Variants in CLPB observed in about 807,000 individuals in gnomAD.
CLPB encodes mitochondrial disaggregase.
CLPB carries 40 observed loss-of-function variants against 78.4 expected under a neutral mutation model. The ratio of observed to expected loss-of-function variants is 0.51; its 90% CI spans 0.40 to 0.66. The LOEUF is 0.66. CLPB is among the 30% of genes least tolerant of loss of function. CLPB has a pLI of 0.00. For missense variants in CLPB, 780 were observed against 886.9 expected (o/e 0.88, Z 1.53); for synonymous variants, 333 against 348.0 (o/e 0.96, Z 0.48).
intron 2 of CLPB, among the ~76,000 whole-genome samples, chr11:72,406,789 G>T (rs1232883663): frequency 6.6e-6 from 1 of 152,204 alleles, no homozygotes; most frequent in East Asian, 1.9e-4. Context: ...CTACTGGGGA[G>T]GAGACAGAGA....
At chr11:72,317,357 G>A in intron 6 of CLPB, 137 bp from the exon 7 acceptor site, 3 of 624,400 alleles carry the variant, frequency 4.8e-6, no homozygotes, top group Non-Finnish European at 8.0e-6. Context: ...ATGGTCACTG[G>A]AGGCTGGTCC....
At chr11:72,420,471 G>A (rs1289927350) in intron 2 of CLPB, among the ~76,000 whole-genome samples, 1 of 152,000 alleles carries the variant, frequency 6.6e-6, no homozygotes, top group African/African-American at 2.4e-5. Flanking sequence ...TCCAGCCTGG[G>A]CAACAGAGCA....
chr11:72,306,081 G>A (rs1469695223), intron 9 of CLPB, among the ~76,000 whole-genome samples: 1 of 152,148 alleles, frequency 6.6e-6, no homozygotes, highest in Non-Finnish European at 1.5e-5. Context: ...CGGTCGGAGC[G>A]CATTAGCATG....
chr11:72,301,677 T>C, intron 11 of CLPB, 126 bp downstream of exon 11: 5 of 1,051,314 alleles, frequency 4.8e-6, no homozygotes, highest in Non-Finnish European at 6.9e-6. Flanking sequence ...GATGAATGAA[T>C]GTACACATGC....
rs1170340548 is a variant in CLPB, at chr11:72,308,733, A to G, written c.989-129T>C. The G allele has an allele frequency of 6.3e-5, 50 of 790,052 alleles. 1 individual carries two copies. The Admixed American group carries it at 1.0e-3, about 16-fold the overall frequency. The allele number at this position is 790,052 out of a possible 1,614,324, so 48.9% of individuals were successfully genotyped here. ...TCTGCGCCCACTCAAAGTCCTCACT[A>G]CCATTAGTGCTGCCTAATCTGATTA... On this transcript the variant is annotated intron_variant, in intron 7 of 15. Coordinates refer to ENST00000538039, the MANE Select transcript of CLPB (RefSeq NM_001258392.3).
chr11:72,359,370 G>C (rs1264149924), intron 4 of CLPB, among the ~76,000 whole-genome samples: 1 of 152,202 alleles, frequency 6.6e-6, no homozygotes, highest in Non-Finnish European at 1.5e-5. Context: ...CAGAACGCCA[G>C]AAGAGAGTTT....
intron 5 of CLPB, among the ~76,000 whole-genome samples, chr11:72,334,306 G>A (rs1370986679): frequency 3.3e-5 from 5 of 152,136 alleles, no homozygotes; most frequent in Non-Finnish European, 5.9e-5. Flanking sequence ...AAAGCAGTAC[G>A]GCGCCTGTCT....
At chr11:72,430,447 G>A (rs1856512770) in intron 1 of CLPB, 84 bp from the exon 2 acceptor site, 1 of 1,209,662 alleles carries the variant, frequency 8.3e-7, no homozygotes, top group South Asian at 1.4e-5. Context: ...TAAGACAGTG[G>A]CAGTACTTTA....
intron 4 of CLPB, among the ~76,000 whole-genome samples, chr11:72,365,646 T>C (rs1443257725): frequency 6.7e-6 from 1 of 150,282 alleles, no homozygotes; most frequent in African/African-American, 2.5e-5. Flanking sequence ...TCAGACTACC[T>C]GACTTCAAAC....
intron 2 of CLPB, among the ~76,000 whole-genome samples, chr11:72,419,611 C>T (rs1448964110): frequency 6.6e-6 from 1 of 152,180 alleles, no homozygotes; most frequent in Non-Finnish European, 1.5e-5. Context: ...TACCATTGGC[C>T]TTTTTCAGTC....
At chr11:72,310,102 T>C (rs1191279945) in intron 7 of CLPB, among the ~76,000 whole-genome samples, 1 of 151,146 alleles carries the variant, frequency 6.6e-6, no homozygotes, top group Admixed American at 6.6e-5. Flanking sequence ...TCATGAGGAG[T>C]GGTGGGGTGG....
intron 11 of CLPB, among the ~76,000 whole-genome samples, chr11:72,299,263 T>C (rs1221389187): frequency 3.9e-5 from 6 of 152,246 alleles, no homozygotes; most frequent in Non-Finnish European, 5.9e-5. Flanking sequence ...GCAGTCTCCT[T>C]GTTAATGACC....
At chr11:72,370,840 C>T (rs1565467264) in intron 4 of CLPB, among the ~76,000 whole-genome samples, 1 of 152,164 alleles carries the variant, frequency 6.6e-6, no homozygotes, top group Non-Finnish European at 1.5e-5. Context: ...TGCTTCTCTA[C>T]CCTGGAAGGA....
chr11:72,379,897 A>T (rs943957796), intron 4 of CLPB, among the ~76,000 whole-genome samples: 22 of 152,186 alleles, frequency 1.4e-4, no homozygotes, highest in Admixed American at 1.2e-3. Context: ...TCTGCAGGAA[A>T]CAGGAGACGA....
chr11:72,363,412 T>C (rs1482720193), intron 4 of CLPB: 1 of 152,248 alleles, frequency 6.6e-6, no homozygotes, highest in African/African-American at 2.4e-5. Flanking sequence ...TGAGTCCCTC[T>C]CGGCCTCTAC....
At chr11:72,399,514 T>C (rs1175608233) in intron 3 of CLPB, among the ~76,000 whole-genome samples, 2 of 152,366 alleles carry the variant, frequency 1.3e-5, no homozygotes, top group South Asian at 2.1e-4. Context: ...TGTAGTTCTA[T>C]AGCACTGTTA....
chr11:72,416,957 A>G (rs777167893), intron 2 of CLPB, among the ~76,000 whole-genome samples: 15 of 152,190 alleles, frequency 9.9e-5, no homozygotes, highest in South Asian at 2.1e-4. Context: ...TAGAACCCTC[A>G]CACGTTGCTT....
chr11:72,357,237 TGC>T (rs1244918546), intron 5 of CLPB: 1 of 113,064 alleles, frequency 8.8e-6, no homozygotes, highest in African/African-American at 4.9e-5. Flanking sequence ...CAAGATTACG[TGC>T]GTGTTCCTGG....
chr11:72,287,938 A>C lies in CLPB; in HGVS notation c.*5429T>G, dbSNP rs567157857. ...TTATCTATTTTATTGGTGCTTTCAA[A>C]GAATTTTTTAATTTATTCTTTTTCT... On this transcript the variant is annotated 3_prime_UTR_variant, in exon 16 of 16. Coordinates refer to ENST00000538039, the MANE Select transcript of CLPB (RefSeq NM_001258392.3). The C allele has an allele frequency of 5.3e-5, 8 of 152,264 alleles. No individual in the cohort carries two copies. Among genetic ancestry groups the C allele is most frequent in the Admixed American group, 2.6e-4 (4 of 15,300 alleles). 9.4% of individuals were successfully genotyped at this position (152,264 alleles called of 1,614,324 possible).
Sources: allele counts gnomAD v4.1 joint callset (sites outside exome capture counted in the v4.1 genomes callset), GRCh38; gene constraint gnomAD v4.1.1; transcripts MANE v1.5; gene names NCBI Gene and HGNC (gene_info 2026-07-23, HGNC 2026-07-21).